Variants in PDE4D observed in about 807,000 individuals in gnomAD.
PDE4D encodes 3',5'-cyclic-AMP phosphodiesterase 4D.
A neutral mutation model predicts 87.4 loss-of-function variants in PDE4D; 24 were observed. The observed-to-expected ratio is 0.27, with a 90% CI of 0.20 to 0.39. The LOEUF (loss-of-function observed/expected upper bound fraction) is 0.39, where lower values mean the gene tolerates loss of function less well. PDE4D is among the 10% of genes least tolerant of loss of function. The probability of loss-of-function intolerance (pLI) is 1.00; values close to 1 mark genes in which losing one functional copy is unlikely to be tolerated. For missense variants in PDE4D, 714 were observed against 1,041.0 expected (o/e 0.69, Z 4.32); for synonymous variants, 384 against 383.2 (o/e 1.00, Z -0.02).
intron 1 of PDE4D, among the ~76,000 whole-genome samples, chr5:60,389,999 C>T (rs1762455962): frequency 6.6e-6 from 1 of 152,240 alleles, no homozygotes; most frequent in Admixed American, 6.5e-5. Context: ...CTCTCGCTCT[C>T]ATAGATCTTT....
rs2702366 is a variant in PDE4D at position 59,377,434 on chromosome 5, T to A, written c.456-161466A>T. 3.9e-3 allele frequency among the ~76,000 whole-genome samples: 389 copies of A among 100,720 alleles called. 4 individuals are homozygous for A. Among genetic ancestry groups the A allele is most frequent in the Non-Finnish European group, 4.0e-3 (185 of 46,442 alleles). The allele number at this position is 100,720 out of a possible 152,430, so 66.1% of individuals were successfully genotyped here. On this transcript the variant is annotated intron_variant, in intron 1 of 14. Transcript: ENST00000340635. Reference sequence around the variant, plus strand: ...ACCCATCTCAAAAAAAAAAAAAAAATATGTCATGACAAAGACACCAAAACC... The same window carrying A: ...ACCCATCTCAAAAAAAAAAAAAAAAAATGTCATGACAAAGACACCAAAACC...
chr5:59,331,628 C>T (rs1190040785), intron 1 of PDE4D, among the ~76,000 whole-genome samples: 1 of 152,174 alleles, frequency 6.6e-6, no homozygotes, highest in East Asian at 1.9e-4. Flanking sequence ...CATTTCTTTT[C>T]CAGAATCATT....
At chr5:59,352,693 T>C (rs908824542) in intron 1 of PDE4D, among the ~76,000 whole-genome samples, 1 of 152,174 alleles carries the variant, frequency 6.6e-6, no homozygotes, top group African/African-American at 2.4e-5. Context: ...TAGGGATATC[T>C]AGATCTTCTT....
chr5:60,263,743 A>C (rs1471096232), intron 1 of PDE4D, among the ~76,000 whole-genome samples: 2 of 152,180 alleles, frequency 1.3e-5, no homozygotes, highest in Admixed American at 1.3e-4. Flanking sequence ...CTATCAAAAA[A>C]TCAAGCAATG....
intron 2 of PDE4D, among the ~76,000 whole-genome samples, chr5:60,093,213 TG>T (rs1409976501): frequency 6.6e-6 from 1 of 152,178 alleles, no homozygotes; most frequent in African/African-American, 2.4e-5. Context: ...CTGTGCTGGG[TG>T]CTATACATCT....
At chr5:59,377,202 G>A (rs1784871164) in intron 1 of PDE4D, among the ~76,000 whole-genome samples, 1 of 152,046 alleles carries the variant, frequency 6.6e-6, no homozygotes, top group Non-Finnish European at 1.5e-5. Context: ...CAGATCACGA[G>A]GTCAGGAGAT....
At chr5:60,197,296 C>T (rs1741390355) in intron 1 of PDE4D, among the ~76,000 whole-genome samples, 1 of 151,400 alleles carries the variant, frequency 6.6e-6, no homozygotes, top group African/African-American at 2.4e-5. Flanking sequence ...AGCCAGATAC[C>T]TTCAGAAGTT....
chr5:59,483,967 T>A (rs1009604224), intron 1 of PDE4D, among the ~76,000 whole-genome samples: 2 of 152,212 alleles, frequency 1.3e-5, no homozygotes, highest in Non-Finnish European at 2.9e-5. Context: ...CAAAGATTAT[T>A]ATGGTCTCTG....
At chr5:60,154,912 T>G (rs1781830621) in intron 2 of PDE4D, among the ~76,000 whole-genome samples, 2 of 152,350 alleles carry the variant, frequency 1.3e-5, no homozygotes, top group African/African-American at 2.4e-5. Flanking sequence ...CTACATGCTA[T>G]CCATTCATTC....
intron 1 of PDE4D, among the ~76,000 whole-genome samples, chr5:59,619,197 A>G (rs575668071): frequency 5.3e-5 from 8 of 152,060 alleles, no homozygotes; most frequent in African/African-American, 1.9e-4. Context: ...ATCTGATGTC[A>G]CTCATTCAGA....
Position 59,571,874 on chromosome 5 carries a change from A to G in PDE4D, c.455+321294T>C, listed in dbSNP as rs564964541. Among the ~76,000 whole-genome samples, 3 of 152,336 alleles carry G rather than the reference A, an allele frequency of 2.0e-5. No individual in the cohort carries two copies. In the South Asian group the frequency reaches 6.2e-4, roughly 32 times the overall value. ...ATAATATATAATAGCCATGTCACAC[A>G]TTTCTGAAAGAACAACTTATTTCAC... is the stretch of plus-strand genomic sequence containing the variant. On this transcript the variant is annotated intron_variant, in intron 1 of 14. Coordinates refer to ENST00000340635, the MANE Select transcript of PDE4D (RefSeq NM_001104631.2).
At chr5:59,607,109 G>A (rs932061473) in intron 1 of PDE4D, among the ~76,000 whole-genome samples, 2 of 151,772 alleles carry the variant, frequency 1.3e-5, no homozygotes, top group African/African-American at 4.9e-5. Context: ...CAACAGATAC[G>A]CGTAGAATTA....
chr5:60,063,324 G>A (rs1401951239), intron 2 of PDE4D, among the ~76,000 whole-genome samples: 1 of 152,080 alleles, frequency 6.6e-6, no homozygotes, highest in African/African-American at 2.4e-5. Flanking sequence ...CAAATGCTTT[G>A]TCTAATTGTG....
At chr5:59,767,050 A>G (rs1762884029) in intron 1 of PDE4D, among the ~76,000 whole-genome samples, 1 of 145,232 alleles carries the variant, frequency 6.9e-6, no homozygotes, top group Non-Finnish European at 1.6e-5. Flanking sequence ...ATTGACTTTC[A>G]TCTATAACAT....
Position 59,396,840 on chromosome 5 carries a change from C to T in PDE4D, c.456-180872G>A, listed in dbSNP as rs1457266184. 2.6e-5 allele frequency among the ~76,000 whole-genome samples: 3 copies of T among 116,108 alleles called. 1 individual carries two copies. Among genetic ancestry groups the T allele is most frequent in the Non-Finnish European group, 3.6e-5 (2 of 55,290 alleles). 76.2% of individuals were successfully genotyped at this position (116,108 alleles called of 152,430 possible). On this transcript the variant is annotated intron_variant, in intron 1 of 14. Coordinates refer to ENST00000340635, the MANE Select transcript of PDE4D (RefSeq NM_001104631.2). ...AGTGTGCTGTATTCAGGAAACCCAT[C>T]TCACATGCAGAGACACACATAGGCT...
intron 1 of PDE4D, among the ~76,000 whole-genome samples, chr5:60,254,806 A>C (rs1482711398): frequency 6.6e-6 from 1 of 151,908 alleles, no homozygotes; most frequent in African/African-American, 2.4e-5. Context: ...AATCTATGAC[A>C]TGAGAATATT....
Position 59,893,679 on chromosome 5 carries a change from G to A in PDE4D, c.-57C>T, listed in dbSNP as rs1751317070. 7.1e-7 allele frequency: 1 copy of A among 1,402,064 alleles called. No homozygotes were observed. Among genetic ancestry groups the A allele is most frequent in the Non-Finnish European group, 9.2e-7 (1 of 1,089,082 alleles). The allele number at this position is 1,402,064 out of a possible 1,614,324, so 86.9% of individuals were successfully genotyped here. On this transcript the variant is annotated 5_prime_UTR_variant, in exon 1 of 15. Coordinates refer to ENST00000340635, the MANE Select transcript of PDE4D (RefSeq NM_001104631.2). ...GCCCGGGTTCACCGCGCTGGCCCGAGCGCCTTCCTGATGCTGCTGCTGCTG... is the reference window on the plus strand; with the variant it reads ...GCCCGGGTTCACCGCGCTGGCCCGAACGCCTTCCTGATGCTGCTGCTGCTG...
At chr5:59,284,416 T>C (rs1463802321) in intron 1 of PDE4D, among the ~76,000 whole-genome samples, 1 of 152,136 alleles carries the variant, frequency 6.6e-6, no homozygotes, top group Non-Finnish European at 1.5e-5. Flanking sequence ...CAGGGAATGA[T>C]GATGAGCATT....
At chr5:60,358,989 A>G (rs1442359065) in intron 1 of PDE4D, among the ~76,000 whole-genome samples, 1 of 152,172 alleles carries the variant, frequency 6.6e-6, no homozygotes, top group African/African-American at 2.4e-5. Context: ...AAAAGACATC[A>G]ATTGGGCACT....
Sources: gnomAD v4.1 joint callset for allele counts (sites outside exome capture counted in the v4.1 genomes callset) on GRCh38, gnomAD v4.1.1 for gene constraint, MANE v1.5 for transcripts, NCBI Gene and HGNC (gene_info 2026-07-23, HGNC 2026-07-21) for gene names.